Variants in MICAL3 observed in about 807,000 individuals in gnomAD.
MICAL3 encodes microtubule associated monooxygenase, calponin and LIM domain containing 3.
Under a neutral mutation model 207.4 loss-of-function variants are expected in MICAL3, and 62 were observed. That is an observed-to-expected ratio of 0.30 (90% CI 0.24 to 0.37). The LOEUF (loss-of-function observed/expected upper bound fraction) is 0.37, where lower values mean the gene tolerates loss of function less well. Ranked by LOEUF, MICAL3 falls within the 10% of genes least tolerant of loss-of-function variation. The probability of loss-of-function intolerance (pLI) is 1.00; values close to 1 mark genes in which losing one functional copy is unlikely to be tolerated. For missense variants in MICAL3, 2,368 were observed against 2,635.6 expected (o/e 0.90, Z 2.22); for synonymous variants, 1,077 against 1,069.3 (o/e 1.01, Z -0.14).
At chr22:17,897,252 A>T (rs1930923231) in intron 7 of MICAL3, among the ~76,000 whole-genome samples, 1 of 151,842 alleles carries the variant, frequency 6.6e-6, no homozygotes, top group Non-Finnish European at 1.5e-5. Flanking sequence ...ATGAAACCCC[A>T]TCTGTACTAA....
chr22:17,976,553 GTGTGTGTGTATA>G (rs1354687791), intron 1 of MICAL3, among the ~76,000 whole-genome samples: 2 of 72,516 alleles, frequency 2.8e-5, no homozygotes, highest in African/African-American at 8.7e-5. Flanking sequence ...GTGTGTGTGT[GTGTGTGTGTATA>G]TATATATATA....
rs1483617135 is a variant in MICAL3, at chr22:17,796,921, G to T, written c.5651-5620C>A. Among the ~76,000 whole-genome samples the T allele has an allele frequency of 6.6e-6, 1 of 152,152 alleles. No individual in the cohort carries two copies. Among genetic ancestry groups the T allele is most frequent in the African/African-American group, 2.4e-5 (1 of 41,392 alleles). ...GGGTAGAATGGCCAACAGTGTGGGG[G>T]AAAGAGTGGCCAGCTGTAGGGCAGG... On this transcript the variant is annotated intron_variant, in intron 29 of 31. Coordinates refer to ENST00000441493, the MANE Select transcript of MICAL3 (RefSeq NM_015241.3). This position sits in a 1 kb window ranked among gnomAD's most constrained non-coding sequence, Gnocchi z 4.4.
chr22:17,878,261 GCTTTC>G (rs1929073026), intron 16 of MICAL3, among the ~76,000 whole-genome samples: 1 of 152,230 alleles, frequency 6.6e-6, no homozygotes, highest in African/African-American at 2.4e-5. Context: ...GAAAAGGGCT[GCTTTC>G]CTTTTTGAGG....
At chr22:17,891,256 CAA>C (rs11303045) in intron 12 of MICAL3, among the ~76,000 whole-genome samples, 3 of 144,056 alleles carry the variant, frequency 2.1e-5, no homozygotes, top group East Asian at 2.0e-4. Context: ...TATAGGAGCA[CAA>C]AAAAAAAAAT....
At chr22:17,977,333 C>A (rs903868436) in intron 1 of MICAL3, among the ~76,000 whole-genome samples, 25 of 152,072 alleles carry the variant, frequency 1.6e-4, no homozygotes, top group African/African-American at 5.6e-4. Flanking sequence ...AGAACTCTTA[C>A]AACTCAATAA....
In MICAL3 at chr22:17,945,686, A is replaced by G. The variant is rs528177142; in HGVS notation, c.-74-38800T>C. 2.6e-5 allele frequency among the ~76,000 whole-genome samples: 4 copies of G among 152,168 alleles called. No homozygotes were observed. The East Asian group carries it at 5.8e-4, about 22-fold the overall frequency. On this transcript the variant is annotated intron_variant, in intron 1 of 31. Coordinates refer to ENST00000441493, the MANE Select transcript of MICAL3 (RefSeq NM_015241.3). ...CTCCACACAGCCCCCATACGCCCCA[A>G]TTCCACCAGGCACCTCCCTCCCCCA...
In MICAL3 at chr22:17,794,846, A is replaced by G. The variant is rs552859730; in HGVS notation, c.5651-3545T>C. ...CAAGGACGAGGGAGAGGAGTTTGGC[A>G]AGGGACCATCACAGAACCACAGAGC... is the stretch of plus-strand genomic sequence containing the variant. On this transcript the variant is annotated intron_variant, in intron 29 of 31. Coordinates refer to ENST00000441493, the MANE Select transcript of MICAL3 (RefSeq NM_015241.3). 1.2e-4 allele frequency among the ~76,000 whole-genome samples: 18 copies of G among 152,304 alleles called. 1 individual carries two copies. In the South Asian group the frequency reaches 3.7e-3, roughly 32 times the overall value.
At chr22:17,860,935 T>C in intron 19 of MICAL3, 2 of 984,954 alleles carry the variant, frequency 2.0e-6, no homozygotes, top group Non-Finnish European at 2.4e-6. Context: ...TTACTATAAT[T>C]TAGGGTGCAA....
At chr22:17,832,976 A>C (rs1023517306) in intron 20 of MICAL3, among the ~76,000 whole-genome samples, 4 of 152,320 alleles carry the variant, frequency 2.6e-5, no homozygotes, top group African/African-American at 4.8e-5. Flanking sequence ...CTCCAACCCC[A>C]GGGCCATCGC....
intron 20 of MICAL3, among the ~76,000 whole-genome samples, chr22:17,833,864 A>G (rs1569086136): frequency 1.3e-5 from 2 of 152,176 alleles, no homozygotes; most frequent in African/African-American, 2.4e-5. Flanking sequence ...CGAGACCAAG[A>G]GAGTACAGCT....
intron 1 of MICAL3, among the ~76,000 whole-genome samples, chr22:17,973,580 G>C (rs1486816577): frequency 1.3e-5 from 2 of 152,154 alleles, no homozygotes; most frequent in Non-Finnish European, 2.9e-5. Flanking sequence ...GCTGTGTGCA[G>C]AAGGGAGACC....
chr22:17,817,953 C>G lies in MICAL3; in HGVS notation c.4708G>C (p.Ala1570Pro), dbSNP rs1288973076. The G allele has an allele frequency of 6.2e-7, 1 of 1,612,508 alleles. No homozygotes were observed. Among genetic ancestry groups the G allele is most frequent in the Admixed American group, 1.7e-5 (1 of 60,020 alleles). Residue 1570 changes from alanine (A) to proline (P), a missense_variant, in exon 26 of 32, where the codon GCT becomes CCT. Around this residue, in one of 4 missense-constraint regions of MICAL3, gnomAD observed 1,770 missense variants for 1,863.2 expected, o/e 0.95. Coordinates refer to ENST00000441493, the MANE Select transcript of MICAL3 (RefSeq NM_015241.3). ...TGTGGCTGCAGCGTCCCCTCCAGAG[C>G]AGGCAGCCTCCCGTTCTCCTTGGCC... Reference protein sequence around the residue: ...PLAKENGRLPALEGTLQPQKR... With the variant: ...PLAKENGRLPPLEGTLQPQKR...
intron 19 of MICAL3, among the ~76,000 whole-genome samples, chr22:17,845,380 G>A (rs945786770): frequency 2.0e-5 from 3 of 152,156 alleles, no homozygotes; most frequent in African/African-American, 7.2e-5. Flanking sequence ...AGGACCACGG[G>A]AAACAAAGCA....
chr22:17,936,126 C>T (rs1417353938), intron 1 of MICAL3, among the ~76,000 whole-genome samples: 6 of 152,158 alleles, frequency 3.9e-5, no homozygotes, highest in East Asian at 3.8e-4. Context: ...CACATGCACA[C>T]GCATGTTTAT....
Position 17,976,396 on chromosome 22 carries a change from A to T in MICAL3, c.-75+47885T>A, listed in dbSNP as rs571333787. ...GCTTTTGCTTAAATGTAACCTCAGTACACTTGTATCCAACCTCCAGCTATT... is the reference window on the plus strand; with the variant it reads ...GCTTTTGCTTAAATGTAACCTCAGTTCACTTGTATCCAACCTCCAGCTATT... On this transcript the variant is annotated intron_variant, in intron 1 of 31. Transcript: ENST00000441493. Among the ~76,000 whole-genome samples, 6 of 152,134 alleles carry T rather than the reference A, an allele frequency of 3.9e-5. No individual in the cohort carries two copies. The South Asian group carries it at 1.2e-3, about 32-fold the overall frequency.
intron 1 of MICAL3, among the ~76,000 whole-genome samples, chr22:17,974,585 A>G (rs1455831673): frequency 1.3e-5 from 2 of 152,126 alleles, no homozygotes; most frequent in South Asian, 4.1e-4. Context: ...TTAGCTGGGC[A>G]TGGTGGCACG....
chr22:18,011,168 A>T (rs1001269457), intron 1 of MICAL3, among the ~76,000 whole-genome samples: 3 of 152,202 alleles, frequency 2.0e-5, no homozygotes, highest in African/African-American at 7.2e-5. Context: ...TTTCATAATC[A>T]ATGCCATCAT....
At chr22:17,861,333 T>C in intron 19 of MICAL3, 1 of 985,462 alleles carries the variant, frequency 1.0e-6, no homozygotes, top group Non-Finnish European at 1.2e-6. Context: ...CAACTGCCAC[T>C]TGTGACCTTC....
At position 17,886,988 on chromosome 22, in the gene MICAL3, C is replaced by CAAAAAAAAAAAAAAAA. The variant is rs55999508; in HGVS notation, c.2067+166_2067+181dup. Among the ~76,000 whole-genome samples, 71 of 41,348 alleles carry CAAAAAAAAAAAAAAAA rather than the reference C, an allele frequency of 1.7e-3. 2 individuals are homozygous for CAAAAAAAAAAAAAAAA. The highest frequency in any genetic ancestry group is 2.3e-3 in the Non-Finnish European group (49 of 21,362). 27.1% of individuals were successfully genotyped at this position (41,348 alleles called of 152,430 possible). On this transcript the variant is annotated intron_variant, in intron 15 of 31. Transcript: ENST00000441493. ...GGGCAATGGAGAAAGACTCTTGTCT[C>CAAAAAAAAAAAAAAAA]AAAAAAAAAAAAAAAAAAAAAAAAA... is the stretch of plus-strand genomic sequence containing the variant.
Sources: allele counts gnomAD v4.1 joint callset (sites outside exome capture counted in the v4.1 genomes callset), GRCh38; gene constraint gnomAD v4.1.1; regional missense constraint gnomAD v4.1.1; non-coding constraint Gnocchi (gnomAD v3.1); transcripts MANE v1.5; gene names NCBI Gene and HGNC (gene_info 2026-07-23, HGNC 2026-07-21).